The following LRRC7 variants were observed in gnomAD, a reference collection of about 807,000 sequenced individuals.
The protein encoded by LRRC7 is leucine rich repeat containing 7.
LRRC7 carries 23 observed loss-of-function variants against 175.7 expected under a neutral mutation model. The observed-to-expected ratio is 0.13, with a 90% CI of 0.09 to 0.19. LRRC7 has a LOEUF of 0.19. Among genes scored for constraint, LRRC7 ranks in the 10% least tolerant of loss-of-function variants. The pLI is 1.00. For missense variants in LRRC7, 1,354 were observed against 1,904.7 expected, an observed-to-expected ratio of 0.71 and a Z score of 5.38; for synonymous variants, 685 against 680.9, an observed-to-expected ratio of 1.01 and a Z score of -0.09.
chr1:69,714,314 G>A (rs1200730053), intron 2 of LRRC7, among the ~76,000 whole-genome samples: 1 of 152,184 alleles, frequency 6.6e-6, no homozygotes, highest in Non-Finnish European at 1.5e-5. Flanking sequence ...AAAGTATGAA[G>A]TGCTTATACT....
intron 2 of LRRC7, among the ~76,000 whole-genome samples, chr1:69,748,057 C>T (rs1027651489): frequency 1.2e-4 from 18 of 152,056 alleles, no homozygotes; most frequent in African/African-American, 4.3e-4. Flanking sequence ...AAAGTAACTG[C>T]CTAAATTTAT....
intron 1 of LRRC7, among the ~76,000 whole-genome samples, chr1:69,578,176 A>C (rs1646035550): frequency 6.6e-6 from 1 of 152,056 alleles, no homozygotes; most frequent in African/African-American, 2.4e-5. Flanking sequence ...ATGCAGCCAA[A>C]AAACACGTGA....
chr1:69,992,378 T>C (rs1444877616), intron 10 of LRRC7, among the ~76,000 whole-genome samples: 1 of 152,004 alleles, frequency 6.6e-6, no homozygotes, highest in Non-Finnish European at 1.5e-5. Flanking sequence ...GTTGGGAGTA[T>C]AGGATGAAGA....
intron 24 of LRRC7, among the ~76,000 whole-genome samples, chr1:70,088,940 T>C (rs1663814890): frequency 6.6e-6 from 1 of 152,192 alleles, no homozygotes; most frequent in Non-Finnish European, 1.5e-5. Flanking sequence ...TAATAGACTT[T>C]CATTCATGAT....
chr1:69,943,718 G>A lies in LRRC7; in HGVS notation c.711+12148G>A, dbSNP rs556300637. 3.9e-5 allele frequency among the ~76,000 whole-genome samples: 6 copies of A among 152,156 alleles called. No homozygotes were observed. The South Asian group carries it at 1.0e-3, about 26-fold the overall frequency. On this transcript the variant is annotated intron_variant, in intron 8 of 26. Coordinates refer to ENST00000651989, the MANE Select transcript of LRRC7 (RefSeq NM_001370785.2). ...TCCCAGGATCTAGAAAGGAATTCAT[G>A]CAAATAGGGCTTTAAAGCTTAAGCT...
chr1:69,963,183 T>C (rs1419741037), intron 8 of LRRC7, among the ~76,000 whole-genome samples: 1 of 151,276 alleles, frequency 6.6e-6, no homozygotes, highest in African/African-American at 2.4e-5. Context: ...TACATGCCTG[T>C]AATCCCAGCT....
At chr1:70,107,331 A>G (rs1330393635) in intron 25 of LRRC7, among the ~76,000 whole-genome samples, 2 of 152,230 alleles carry the variant, frequency 1.3e-5, no homozygotes, top group Admixed American at 6.5e-5. Context: ...AAAGTATACA[A>G]TGAACTTATA....
intron 7 of LRRC7, among the ~76,000 whole-genome samples, chr1:69,882,299 G>A (rs6695450): frequency 0.55 from 84,250 of 151,802 alleles, 23,445 homozygotes; most frequent in East Asian, 0.7. Flanking sequence ...TACAGAAAAC[G>A]GTACGAAGAT....
intron 4 of LRRC7, among the ~76,000 whole-genome samples, chr1:69,806,128 T>A (rs1434840414): frequency 1.3e-5 from 2 of 151,950 alleles, no homozygotes; most frequent in African/African-American, 4.8e-5. Context: ...AGAATGAACG[T>A]TACCTTGTTT....
intron 1 of LRRC7, among the ~76,000 whole-genome samples, chr1:69,600,439 G>GT (rs1169741554): frequency 1.3e-5 from 2 of 151,974 alleles, no homozygotes; most frequent in Admixed American, 6.6e-5. Context: ...GTGCACAGGT[G>GT]TTTTTTTAGA....
At chr1:69,647,606 A>G (rs1488304912) in intron 1 of LRRC7, among the ~76,000 whole-genome samples, 1 of 152,028 alleles carries the variant, frequency 6.6e-6, no homozygotes, top group Non-Finnish European at 1.5e-5. Context: ...TTTTTTTTCT[A>G]AAGCCTATAG....
intron 26 of LRRC7, among the ~76,000 whole-genome samples, chr1:70,113,025 C>G (rs966648435): frequency 6.6e-6 from 1 of 151,930 alleles, no homozygotes; most frequent in African/African-American, 2.4e-5. Flanking sequence ...TGAGTTGGAG[C>G]GAGGCTCAGG....
Position 69,906,244 on chromosome 1 carries a change from G to A in LRRC7, c.648-25263G>A, listed in dbSNP as rs553722037. ...CTCTGATGGTAGTTTCTTTTGCTGTGCAGAAGCTCTTTAGTTTAATTAGAT... is the reference window on the plus strand; with the variant it reads ...CTCTGATGGTAGTTTCTTTTGCTGTACAGAAGCTCTTTAGTTTAATTAGAT... On this transcript the variant is annotated intron_variant, in intron 7 of 26. Transcript: ENST00000651989. Among the ~76,000 whole-genome samples the A allele has an allele frequency of 3.3e-5, 5 of 152,212 alleles. No homozygotes were observed. In the East Asian group the frequency reaches 7.7e-4, roughly 24 times the overall value.
chr1:69,904,920 T>C (rs2101679229), intron 7 of LRRC7, among the ~76,000 whole-genome samples: 1 of 152,226 alleles, frequency 6.6e-6, no homozygotes, highest in East Asian at 1.9e-4. Context: ...GAATATGCGG[T>C]ATTTGGTTTT....
chr1:69,838,446 C>A, intron 7 of LRRC7, 163 bp downstream of exon 7: 1 of 577,622 alleles, frequency 1.7e-6, no homozygotes, highest in Non-Finnish European at 3.2e-6. Flanking sequence ...ATTCATATTA[C>A]ATGAGAATGT....
intron 23 of LRRC7, among the ~76,000 whole-genome samples, chr1:70,057,235 T>C (rs1661225255): frequency 6.6e-6 from 1 of 152,204 alleles, no homozygotes; most frequent in South Asian, 2.1e-4. Context: ...CTTTAAATAT[T>C]CAAATTTAGT....
intron 7 of LRRC7, among the ~76,000 whole-genome samples, chr1:69,923,244 T>C (rs977831978): frequency 1.6e-4 from 24 of 152,200 alleles, no homozygotes; most frequent in South Asian, 8.3e-4. Context: ...TGGTTCCAAG[T>C]CTTTGCTATT....
chr1:69,661,429 A>C (rs535143958), intron 1 of LRRC7, among the ~76,000 whole-genome samples: 13 of 152,300 alleles, frequency 8.5e-5, no homozygotes, highest in African/African-American at 3.1e-4. Flanking sequence ...TATAACCATG[A>C]GTGTGATCAT....
chr1:70,068,910 G>A (rs1237050469), intron 23 of LRRC7, among the ~76,000 whole-genome samples: 1 of 152,032 alleles, frequency 6.6e-6, no homozygotes, highest in African/African-American at 2.4e-5. Flanking sequence ...TAGAGATGGA[G>A]TCTTACTGTT....
Sources: allele counts gnomAD v4.1 joint callset (sites outside exome capture counted in the v4.1 genomes callset), GRCh38; gene constraint gnomAD v4.1.1; transcripts MANE v1.5; gene names NCBI Gene and HGNC (gene_info 2026-07-23, HGNC 2026-07-21).